Variants in CCNY observed in about 807,000 individuals in gnomAD.
CCNY encodes cyclin Y, also known as cyclin-Y.
CCNY carries 19 observed loss-of-function variants against 42.8 expected under a neutral mutation model. The ratio of observed to expected loss-of-function variants is 0.44; its 90% CI spans 0.31 to 0.65. The LOEUF (loss-of-function observed/expected upper bound fraction) is 0.65, where lower values mean the gene tolerates loss of function less well. CCNY is among the 30% of genes least tolerant of loss of function. The pLI is 0.07. For missense variants in CCNY, 370 were observed against 437.3 expected (o/e 0.85, Z 1.37); for synonymous variants, 165 against 162.7 (o/e 1.01, Z -0.11).
At chr10:35,250,273 G>A (rs1367607566) in intron 2 of CCNY, among the ~76,000 whole-genome samples, 1 of 151,960 alleles carries the variant, frequency 6.6e-6, no homozygotes, top group African/African-American at 2.4e-5. Context: ...GCTGAGGCAG[G>A]AGAATCACTT....
chr10:35,553,144 G>A lies in CCNY; in HGVS notation c.705G>A (p.Val235=), dbSNP rs536589641. 1 of 1,614,104 alleles carries A rather than the reference G, an allele frequency of 6.2e-7. No individual in the cohort carries two copies. The highest frequency in any genetic ancestry group is 8.5e-7 in the Non-Finnish European group (1 of 1,180,040). Residue 235 remains valine (V), a synonymous_variant, in exon 8 of 10, where the codon GTG becomes GTA. Coordinates refer to ENST00000374704, the MANE Select transcript of CCNY (RefSeq NM_145012.6). ...KVWDDQAVWN[V]DYCQILKDIT... ...GGGATGACCAGGCTGTATGGAATGT[G>A]GATTACTGCCAGATCCTGAAAGACA... is the stretch of plus-strand genomic sequence containing the variant.
intron 3 of CCNY, among the ~76,000 whole-genome samples, chr10:35,291,638 G>A (rs1161977947): frequency 6.7e-6 from 1 of 149,726 alleles, no homozygotes; most frequent in Non-Finnish European, 1.5e-5. Context: ...CCTGGTTCAA[G>A]CTGTTCTCCT....
At chr10:35,283,550 C>A (rs953077700) in intron 3 of CCNY, among the ~76,000 whole-genome samples, 4 of 152,002 alleles carry the variant, frequency 2.6e-5, no homozygotes, top group Non-Finnish European at 4.4e-5. Flanking sequence ...ACCACAGGCA[C>A]GTGCCACCAC....
intron 3 of CCNY, among the ~76,000 whole-genome samples, chr10:35,260,327 G>A (rs967066751): frequency 1.3e-5 from 2 of 152,130 alleles, no homozygotes; most frequent in Admixed American, 1.3e-4. Context: ...CTGTATGTAA[G>A]AGCCTACCTC....
At chr10:35,532,062 CTTG>C (rs1164135563) in intron 7 of CCNY, among the ~76,000 whole-genome samples, 2 of 152,192 alleles carry the variant, frequency 1.3e-5, no homozygotes, top group Non-Finnish European at 2.9e-5. Context: ...GTATGGGGGT[CTTG>C]TTGGTTGCAG....
At chr10:35,480,005 T>C (rs985073776) in intron 1 of CCNY, among the ~76,000 whole-genome samples, 5 of 151,992 alleles carry the variant, frequency 3.3e-5, no homozygotes, top group Admixed American at 3.3e-4. Context: ...TTTTTTTTTT[T>C]GTTCCCCAAG....
rs573686205 is a variant in CCNY at position 35,516,004 on chromosome 10, T to G, written c.265-519T>G. On this transcript the variant is annotated intron_variant, in intron 3 of 9. Transcript: ENST00000374704. ...TCCTTAACAAAGCAATATTTTTTCATTATAACTTTACCTGCTGAAATTCAA... is the reference window on the plus strand; with the variant it reads ...TCCTTAACAAAGCAATATTTTTTCAGTATAACTTTACCTGCTGAAATTCAA... 3.9e-5 allele frequency among the ~76,000 whole-genome samples: 6 copies of G among 152,352 alleles called. No individual in the cohort carries two copies. In the East Asian group the frequency reaches 1.2e-3, roughly 29 times the overall value.
intron 1 of CCNY, among the ~76,000 whole-genome samples, chr10:35,418,957 A>T (rs1272507166): frequency 6.6e-6 from 1 of 151,720 alleles, no homozygotes; most frequent in Non-Finnish European, 1.5e-5. Flanking sequence ...AGTAGCTGGG[A>T]TTATAGGCAC....
At chr10:35,564,264 G>GC (rs1469630968) in intron 8 of CCNY, among the ~76,000 whole-genome samples, 2 of 152,094 alleles carry the variant, frequency 1.3e-5, no homozygotes, top group Non-Finnish European at 2.9e-5. Context: ...GTGGAAACAA[G>GC]CAGTGACGCT....
intron 3 of CCNY, among the ~76,000 whole-genome samples, chr10:35,265,087 T>G (rs1423017962): frequency 6.6e-6 from 1 of 152,206 alleles, no homozygotes; most frequent in African/African-American, 2.4e-5. Flanking sequence ...ATAGTTCATT[T>G]TGCTCTGCAC....
intron 2 of CCNY, among the ~76,000 whole-genome samples, chr10:35,494,061 C>A (rs1242333874): frequency 6.6e-6 from 1 of 152,086 alleles, no homozygotes; most frequent in African/African-American, 2.4e-5. Context: ...GTGCCCAGTC[C>A]CATCTTTTTC....
At chr10:35,389,147 A>T (rs1837357478) in intron 1 of CCNY, among the ~76,000 whole-genome samples, 1 of 152,206 alleles carries the variant, frequency 6.6e-6, no homozygotes, top group Admixed American at 6.5e-5. Context: ...TGCCTAGGAC[A>T]GGCTCTCTTT....
At chr10:35,357,610 G>A (rs536089710) in intron 1 of CCNY, among the ~76,000 whole-genome samples, 5 of 152,236 alleles carry the variant, frequency 3.3e-5, no homozygotes, top group African/African-American at 4.8e-5. Context: ...GCACGTGTCT[G>A]TTTATCCCAG....
intron 3 of CCNY, among the ~76,000 whole-genome samples, chr10:35,264,825 C>T (rs1394662434): frequency 2.0e-5 from 3 of 151,872 alleles, no homozygotes; most frequent in Admixed American, 6.6e-5. Context: ...TGGCTAATTT[C>T]GCCAAGTTCG....
chr10:35,527,626 A>T (rs916064156), intron 5 of CCNY, among the ~76,000 whole-genome samples: 1 of 152,250 alleles, frequency 6.6e-6, no homozygotes, highest in African/African-American at 2.4e-5. Context: ...AATTCAATCT[A>T]CCACTCAGAC....
intron 7 of CCNY, among the ~76,000 whole-genome samples, chr10:35,550,405 A>G (rs75996663): frequency 6.0e-4 from 92 of 152,068 alleles, no homozygotes; most frequent in Non-Finnish European, 1.1e-3. Flanking sequence ...TGGTCTTTTT[A>G]TCCTTAATCT....
intron 1 of CCNY, among the ~76,000 whole-genome samples, chr10:35,339,884 A>C (rs1004318919): frequency 6.6e-6 from 1 of 152,132 alleles, no homozygotes; most frequent in Non-Finnish European, 1.5e-5. Flanking sequence ...TTGATATTGG[A>C]CTCATGCTTT....
chr10:35,335,508 G>A (rs1436367218), upstream of CCNY, among the ~76,000 whole-genome samples: 1 of 151,876 alleles, frequency 6.6e-6, no homozygotes, highest in East Asian at 1.9e-4. Context: ...CCTCGGCAAA[G>A]CTCAAAATAC....
intron 1 of CCNY, among the ~76,000 whole-genome samples, chr10:35,459,784 A>G (rs971528237): frequency 3.3e-5 from 5 of 152,234 alleles, no homozygotes; most frequent in African/African-American, 1.2e-4. Flanking sequence ...TAATTATTAT[A>G]CCTGTTACTT....
Sources: allele counts gnomAD v4.1 joint callset (sites outside exome capture counted in the v4.1 genomes callset), GRCh38; gene constraint gnomAD v4.1.1; transcripts MANE v1.5; gene names NCBI Gene and HGNC (gene_info 2026-07-23, HGNC 2026-07-21).